The following ZEB1 variants were observed in gnomAD, a reference collection of about 807,000 sequenced individuals.
ZEB1 encodes zinc finger E-box binding homeobox 1.
Under a neutral mutation model 84.9 loss-of-function variants are expected in ZEB1, and 21 were observed. That is an observed-to-expected ratio of 0.25 (90% CI 0.18 to 0.36). ZEB1 has a LOEUF of 0.36. Among genes scored for constraint, ZEB1 ranks in the 10% least tolerant of loss-of-function variants. ZEB1 has a pLI of 1.00. For synonymous variants in ZEB1, 420 were observed against 471.1 expected, an observed-to-expected ratio of 0.89 and a Z score of 1.41; for missense variants, 1,104 against 1,330.2, an observed-to-expected ratio of 0.83 and a Z score of 2.65.
intron 2 of ZEB1, among the ~76,000 whole-genome samples, chr10:31,462,818 A>T (rs1370305123): frequency 6.6e-6 from 1 of 152,164 alleles, no homozygotes; most frequent in Non-Finnish European, 1.5e-5. Flanking sequence ...AGGCTGAGGT[A>T]GTGTCTTCAA....
rs777635832 is a variant in ZEB1 at position 31,502,384 on chromosome 10, A to G, written c.359A>G (p.Glu120Gly). ...GAATGCGAGTCAGATGCAGAAAATG[A>G]GCAAAACCATGATCCTAATGTTGAA... ...DDECESDAENEQNHDPNVEEF... is the reference protein window; with the variant it reads ...DDECESDAENGQNHDPNVEEF... The change falls in exon 4 of 9, where the codon GAG becomes GGG. Residue 120 changes from glutamate to glycine, a missense_variant. By Grantham distance (98) the Glu-to-Gly change is moderately conservative. Around this residue, in one of 7 missense-constraint regions of ZEB1, gnomAD observed 162 missense variants for 184.5 expected, o/e 0.88. Transcript: ENST00000424869. The G allele has an allele frequency of 6.2e-6, 10 of 1,613,898 alleles. No individual in the cohort carries two copies. In the East Asian group the frequency reaches 1.3e-4, roughly 22 times the overall value.
chr10:31,362,260 C>T lies in ZEB1; in HGVS notation c.58+42968C>T, dbSNP rs529529057. ...TGGGGTGGAGGCCAGGCAGAGGCGGCGCTCCTCCTCAATTCCCAGATAGTG... is the reference window on the plus strand; with the variant it reads ...TGGGGTGGAGGCCAGGCAGAGGCGGTGCTCCTCCTCAATTCCCAGATAGTG... On this transcript the variant is annotated intron_variant, in intron 1 of 8. Coordinates refer to ENST00000424869, the MANE Select transcript of ZEB1 (RefSeq NM_001174096.2). Among the ~76,000 whole-genome samples, 15 of 136,456 alleles carry T rather than the reference C, an allele frequency of 1.1e-4. No homozygotes were observed. The East Asian group carries it at 1.2e-3, about 11-fold the overall frequency. 89.5% of individuals were successfully genotyped at this position (136,456 alleles called of 152,430 possible).
intron 1 of ZEB1, chr10:31,319,664 T>C (rs1052683153): frequency 4.1e-6 from 1 of 246,328 alleles, no homozygotes; most frequent in African/African-American, 2.3e-5. Context: ...CTGTTGCTTC[T>C]TTCCGCACTT....
chr10:31,346,775 A>G (rs1564536099), intron 1 of ZEB1, among the ~76,000 whole-genome samples: 4 of 152,140 alleles, frequency 2.6e-5, no homozygotes. Context: ...CAAATTACAT[A>G]CATTGTAAGT....
chr10:31,378,557 T>C (rs2047084054), intron 1 of ZEB1, among the ~76,000 whole-genome samples: 1 of 151,450 alleles, frequency 6.6e-6, no homozygotes, highest in South Asian at 2.1e-4. Flanking sequence ...ATATTAAATA[T>C]ATAATATTAA....
At chr10:31,334,891 G>GA (rs2037665053) in intron 1 of ZEB1, among the ~76,000 whole-genome samples, 1 of 151,764 alleles carries the variant, frequency 6.6e-6, no homozygotes, top group South Asian at 2.1e-4. Flanking sequence ...TTCTTACAAA[G>GA]AAAAAAATAC....
intron 1 of ZEB1, chr10:31,363,918 C>G: frequency 7.6e-7 from 1 of 1,314,154 alleles, no homozygotes; most frequent in Non-Finnish European, 9.8e-7. Flanking sequence ...CCCGGGCAGG[C>G]ACAGGTGCAG....
chr10:31,464,622 C>T (rs953803855), intron 2 of ZEB1, among the ~76,000 whole-genome samples: 4 of 152,104 alleles, frequency 2.6e-5, no homozygotes, highest in African/African-American at 9.7e-5. Flanking sequence ...TATGAAAAGT[C>T]AACGACAGTT....
intron 1 of ZEB1, among the ~76,000 whole-genome samples, chr10:31,425,592 T>A (rs2056825054): frequency 6.6e-6 from 1 of 152,126 alleles, no homozygotes; most frequent in African/African-American, 2.4e-5. Flanking sequence ...TTTCTCAACA[T>A]GAAAAACTTC....
At chr10:31,526,152 G>T (rs1382961136) in intron 8 of ZEB1, among the ~76,000 whole-genome samples, 1 of 152,154 alleles carries the variant, frequency 6.6e-6, no homozygotes, top group African/African-American at 2.4e-5. Context: ...AATGGCTGTG[G>T]TTTTCTAAAG....
rs184220160 is a variant in ZEB1 at position 31,524,038 on chromosome 10, A to G, written c.2710A>G (p.Met904Val). 6.2e-7 allele frequency: 1 copy of G among 1,614,018 alleles called. No individual in the cohort carries two copies. The highest frequency in any genetic ancestry group is 2.2e-5 in the East Asian group (1 of 44,824). Residue 904 changes from methionine (M) to valine (V), a missense_variant, in exon 8 of 9, where the codon ATG (methionine) becomes GTG (valine). By Grantham distance (21) the Met-to-Val change is conservative. This residue lies in a region of ZEB1 where 531 missense variants were observed against 575.2 expected (regional missense o/e 0.92). Coordinates refer to ENST00000424869, the MANE Select transcript of ZEB1 (RefSeq NM_001174096.2). ...KKKMRKTENG[M>V]YACDLCDKIF... ...GAAAATGCGGAAGACAGAAAATGGA[A>G]TGTATGCTTGTGATTTGTGTGACAA...
chr10:31,522,436 G>A (rs2072616228), intron 7 of ZEB1, among the ~76,000 whole-genome samples: 1 of 152,262 alleles, frequency 6.6e-6, no homozygotes, highest in South Asian at 2.1e-4. Flanking sequence ...TACAAAGAAC[G>A]CATCTTGTGA....
At chr10:31,339,091 C>A (rs370284321) in intron 1 of ZEB1, among the ~76,000 whole-genome samples, 2 of 152,246 alleles carry the variant, frequency 1.3e-5, no homozygotes, top group Non-Finnish European at 2.9e-5. Flanking sequence ...AGTAATAGTT[C>A]TTTACCCATT....
rs2040808037 is a variant in ZEB1, at chr10:31,348,868, T to A, written c.58+29576T>A. Among the ~76,000 whole-genome samples, 3 of 152,236 alleles carry A rather than the reference T, an allele frequency of 2.0e-5. No individual in the cohort carries two copies. The South Asian group carries it at 6.2e-4, about 31-fold the overall frequency. ...GTGTACAACTTTATTTTTTGATATA[T>A]GTACACATTGTGGAATGGCTAAATC... On this transcript the variant is annotated intron_variant, in intron 1 of 8. Coordinates refer to ENST00000424869, the MANE Select transcript of ZEB1 (RefSeq NM_001174096.2).
At chr10:31,338,730 G>A (rs2038743359) in intron 1 of ZEB1, among the ~76,000 whole-genome samples, 2 of 152,134 alleles carry the variant, frequency 1.3e-5, no homozygotes, top group South Asian at 4.1e-4. Flanking sequence ...GAGAAAAATA[G>A]ATAGGCAAAA....
intron 1 of ZEB1, among the ~76,000 whole-genome samples, chr10:31,377,672 G>A (rs1048044098): frequency 7.9e-5 from 12 of 151,766 alleles, no homozygotes; most frequent in Admixed American, 2.0e-4. Context: ...GCATCACTTT[G>A]CGATCTTTTC....
intron 1 of ZEB1, among the ~76,000 whole-genome samples, chr10:31,428,709 TAAG>T (rs1022729772): frequency 1.1e-4 from 16 of 152,322 alleles, no homozygotes; most frequent in Middle Eastern, 3.4e-3. Flanking sequence ...GAAGGTCTCT[TAAG>T]AAGTTACTTT....
intron 1 of ZEB1, among the ~76,000 whole-genome samples, chr10:31,448,724 A>T (rs1037355054): frequency 6.6e-6 from 1 of 152,042 alleles, no homozygotes; most frequent in Non-Finnish European, 1.5e-5. Context: ...TTAGGCTGCT[A>T]AGGGGTCAGG....
chr10:31,413,503 G>A (rs1475589653), intron 1 of ZEB1, among the ~76,000 whole-genome samples: 1 of 152,146 alleles, frequency 6.6e-6, no homozygotes, highest in African/African-American at 2.4e-5. Context: ...GTTGGTCGTA[G>A]ACTGGTAGTG....
Sources: allele counts gnomAD v4.1 joint callset (sites outside exome capture counted in the v4.1 genomes callset), GRCh38; gene constraint gnomAD v4.1.1; regional missense constraint gnomAD v4.1.1; transcripts MANE v1.5; gene names NCBI Gene and HGNC (gene_info 2026-07-23, HGNC 2026-07-21).